Variants in NFKB1 observed in about 807,000 individuals in gnomAD.
The protein encoded by NFKB1 is nuclear factor NF-kappa-B p105 subunit.
Under a neutral mutation model 105.1 loss-of-function variants are expected in NFKB1, and 9 were observed. That is an observed-to-expected ratio of 0.09 (90% CI 0.05 to 0.15). NFKB1 has a LOEUF of 0.15. Ranked by LOEUF, NFKB1 falls within the 10% of genes least tolerant of loss-of-function variation. The probability of loss-of-function intolerance (pLI) is 1.00; values close to 1 mark genes in which losing one functional copy is unlikely to be tolerated. For missense variants in NFKB1, 830 were observed against 1,203.7 expected (o/e 0.69, Z 4.59); for synonymous variants, 440 against 442.2 (o/e 1.00, Z 0.06).
In NFKB1 at chr4:102,580,538, C is replaced by T. The variant is rs1578790471; in HGVS notation, c.734C>T (p.Ala245Val). Residue 245 changes from alanine (A) to valine (V), a missense_variant, in exon 9 of 24, where the codon GCC becomes GTC. Transcript: ENST00000226574. Reference protein sequence around the residue: ...VVSDAIYDSKAPNASNLKIVR... With the variant: ...VVSDAIYDSKVPNASNLKIVR... ...GTTGTTTTTCCCCTGTGAACAGAAG[C>T]CCCCAATGCATCCAACTTGAAAATT... 1 of 1,613,494 alleles carries T rather than the reference C, an allele frequency of 6.2e-7. No individual in the cohort carries two copies.
At chr4:102,609,597 G>A (rs1560719752) in intron 19 of NFKB1, among the ~76,000 whole-genome samples, 1 of 110,976 alleles carries the variant, frequency 9.0e-6, no homozygotes, top group Non-Finnish European at 1.7e-5. Context: ...GGGCAACAGA[G>A]CAAGACTCCA....
At chr4:102,531,553 T>C (rs1387586362) in intron 3 of NFKB1, among the ~76,000 whole-genome samples, 1 of 152,240 alleles carries the variant, frequency 6.6e-6, no homozygotes, top group African/African-American at 2.4e-5. Context: ...GATCTAGTAC[T>C]TGTTGAAGAC....
intron 5 of NFKB1, among the ~76,000 whole-genome samples, chr4:102,562,883 C>A (rs944704447): frequency 3.3e-5 from 5 of 152,150 alleles, no homozygotes; most frequent in Admixed American, 1.3e-4. Context: ...TCTTCATTAC[C>A]ATTGTCATCA....
At chr4:102,541,931 C>T (rs1025689245) in intron 5 of NFKB1, among the ~76,000 whole-genome samples, 2 of 152,104 alleles carry the variant, frequency 1.3e-5, no homozygotes, top group South Asian at 2.1e-4. Context: ...AACCTGGAAA[C>T]GCTGATAGTT....
Position 102,582,718 on chromosome 4 carries a change from G to A in NFKB1, c.836-148G>A, listed in dbSNP as rs574655606. ...ATGAAAAAAGTCAGTGATTTGTGAA[G>A]ATTTTAAAAGACTGAACCTTTTGAT... On this transcript the variant is annotated intron_variant, in intron 9 of 23. Coordinates refer to ENST00000226574, the MANE Select transcript of NFKB1 (RefSeq NM_003998.4). 4.1e-4 allele frequency: 204 copies of A among 491,574 alleles called. 1 individual carries two copies. The highest frequency in any genetic ancestry group is 6.6e-4 in the Non-Finnish European group (185 of 281,666). 30.5% of individuals were successfully genotyped at this position (491,574 alleles called of 1,614,324 possible).
chr4:102,561,790 G>A (rs919511645), intron 5 of NFKB1, among the ~76,000 whole-genome samples: 4 of 152,178 alleles, frequency 2.6e-5, no homozygotes, highest in African/African-American at 9.7e-5. Flanking sequence ...AACACAGTAA[G>A]TTAGAAAGTA....
At chr4:102,601,645 G>A (rs1341356023) in intron 16 of NFKB1, among the ~76,000 whole-genome samples, 1 of 152,212 alleles carries the variant, frequency 6.6e-6, no homozygotes, top group African/African-American at 2.4e-5. Flanking sequence ...CAAAGGGAGA[G>A]TTAGCTGGAG....
rs563638064 is a variant in NFKB1, at chr4:102,593,635, G to C, written c.1210+67G>C. ...AGAGGGTAGAATTTTCTTTTCTTTG[G>C]TTTCTGAGCATGTCTGTGAGTTGAG... is the stretch of plus-strand genomic sequence containing the variant. On this transcript the variant is annotated intron_variant, in intron 12 of 23. Coordinates refer to ENST00000226574, the MANE Select transcript of NFKB1 (RefSeq NM_003998.4). 11 of 1,503,994 alleles carry C rather than the reference G, an allele frequency of 7.3e-6. No individual in the cohort carries two copies. The African/African-American group carries it at 1.4e-4, about 19-fold the overall frequency. 93.2% of individuals were successfully genotyped at this position (1,503,994 alleles called of 1,614,324 possible).
intron 1 of NFKB1, among the ~76,000 whole-genome samples, chr4:102,509,686 C>T (rs1249668167): frequency 2.0e-5 from 3 of 152,136 alleles, no homozygotes; most frequent in African/African-American, 7.2e-5. Flanking sequence ...CTGTTAGGGT[C>T]CATTCAGTAG....
chr4:102,562,136 A>G (rs1231966551), intron 5 of NFKB1, among the ~76,000 whole-genome samples: 1 of 152,154 alleles, frequency 6.6e-6, no homozygotes, highest in Non-Finnish European at 1.5e-5. Context: ...CTCTGAGCAC[A>G]GAGCCTTTCT....
rs4648138 is a variant in NFKB1, at chr4:102,615,537, T to C, written c.2750-897T>C. On this transcript the variant is annotated intron_variant, in intron 23 of 23. Coordinates refer to ENST00000226574, the MANE Select transcript of NFKB1 (RefSeq NM_003998.4). ...TATCCGCCGGAAAACAACCCAGATC[T>C]CCTGAGTCACAGCCCAGTGCTCCTT... is the stretch of plus-strand genomic sequence containing the variant. Among the ~76,000 whole-genome samples the C allele has an allele frequency of 4.2e-3, 637 of 152,264 alleles. 2 individuals are homozygous for C. Among genetic ancestry groups the C allele is most frequent in the South Asian group, 8.3e-3 (40 of 4,830 alleles).
chr4:102,539,812 G>A (rs73837268), intron 5 of NFKB1, among the ~76,000 whole-genome samples: 3,465 of 152,174 alleles, frequency 0.023, 61 homozygotes, highest in African/African-American at 0.058. Context: ...ATTGCTCACC[G>A]AACCTCTCAG....
chr4:102,601,112 A>G (rs1727107159), intron 16 of NFKB1, 103 bp downstream of exon 16: 1 of 676,624 alleles, frequency 1.5e-6, no homozygotes, highest in Non-Finnish European at 2.6e-6. Context: ...TAACAGTAGC[A>G]AAAACAAAAA....
rs115752491 is a variant in NFKB1 at position 102,564,352 on chromosome 4, A to T, written c.259-2635A>T. On this transcript the variant is annotated intron_variant, in intron 5 of 23. Coordinates refer to ENST00000226574, the MANE Select transcript of NFKB1 (RefSeq NM_003998.4). ...TATGAAGTATGGTCTCCCCCATGTT[A>T]GAGTGCCAGTGTCTTCATGTACCAT... 3.5e-3 allele frequency among the ~76,000 whole-genome samples: 532 copies of T among 152,342 alleles called. 3 individuals are homozygous for T. Among genetic ancestry groups the T allele is most frequent in the African/African-American group, 0.012 (509 of 41,570 alleles).
intron 7 of NFKB1, among the ~76,000 whole-genome samples, 185 bp downstream of exon 7, chr4:102,577,224 T>C (rs1291152308): frequency 2.0e-5 from 3 of 152,172 alleles, no homozygotes; most frequent in Admixed American, 6.6e-5. Flanking sequence ...CTCCATAGCC[T>C]GTCATACAAA....
Position 102,616,635 on chromosome 4 carries a change from A to C in NFKB1, c.*41A>C, listed in dbSNP as rs1457130353. On this transcript the variant is annotated 3_prime_UTR_variant, in exon 24 of 24. Transcript: ENST00000226574. ...CCACACCGTGTAAACCAAAGCCCTA[A>C]AATTCCACTGCGTTGTCCACAAGAC... is the stretch of plus-strand genomic sequence containing the variant. The C allele has an allele frequency of 1.3e-6, 2 of 1,599,804 alleles. No homozygotes were observed. Among genetic ancestry groups the C allele is most frequent in the East Asian group, 4.5e-5 (2 of 44,682 alleles).
At chr4:102,576,803 A>C in intron 6 of NFKB1, 73 bp from the exon 7 acceptor site, 1 of 1,469,700 alleles carries the variant, frequency 6.8e-7, no homozygotes, top group Non-Finnish European at 9.2e-7. Context: ...TTACAAGTGA[A>C]GCCAGATTCC....
chr4:102,528,792 C>T (rs1489094326), intron 2 of NFKB1, among the ~76,000 whole-genome samples: 1 of 152,174 alleles, frequency 6.6e-6, no homozygotes, highest in Non-Finnish European at 1.5e-5. Context: ...TCAAAATATT[C>T]TGCATGCCCA....
intron 1 of NFKB1, among the ~76,000 whole-genome samples, chr4:102,522,810 T>C (rs1708266351): frequency 6.6e-6 from 1 of 152,190 alleles, no homozygotes; most frequent in South Asian, 2.1e-4. Flanking sequence ...CTTGGAAGTT[T>C]GAGCTTCTGT....
Sources: allele counts gnomAD v4.1 joint callset (sites outside exome capture counted in the v4.1 genomes callset), GRCh38; gene constraint gnomAD v4.1.1; transcripts MANE v1.5; gene names NCBI Gene and HGNC (gene_info 2026-07-23, HGNC 2026-07-21).